Variants in MAN2A1 observed in about 807,000 individuals in gnomAD.
MAN2A1 encodes mannosidase alpha class 2A member 1, also known as alpha-mannosidase 2.
Under a neutral mutation model 142.6 loss-of-function variants are expected in MAN2A1, and 76 were observed. The observed-to-expected ratio is 0.53, with a 90% CI of 0.44 to 0.65. MAN2A1 has a LOEUF of 0.65. MAN2A1 is among the 30% of genes least tolerant of loss of function. MAN2A1 has a pLI of 0.00. For synonymous variants in MAN2A1, 559 were observed against 473.2 expected, an observed-to-expected ratio of 1.18 and a Z score of -2.35; for missense variants, 1,311 against 1,365.1, an observed-to-expected ratio of 0.96 and a Z score of 0.62.
rs1031828690 is a variant in MAN2A1 at position 109,698,944 on chromosome 5, A to C, written c.135+8392A>C. Among the ~76,000 whole-genome samples, 3 of 152,084 alleles carry C rather than the reference A, an allele frequency of 2.0e-5. No individual in the cohort carries two copies. In the East Asian group the frequency reaches 5.8e-4, roughly 29 times the overall value. On this transcript the variant is annotated intron_variant, in intron 1 of 21. Coordinates refer to ENST00000261483, the MANE Select transcript of MAN2A1 (RefSeq NM_002372.4). The stretch of plus-strand genomic sequence containing the variant: ...TGTTCCATGTGTGGTTCCTTCTTTA[A>C]ATATATGCATATACCTCTGTTTTGA...
chr5:109,721,733 A>G (rs1468693282), intron 3 of MAN2A1, among the ~76,000 whole-genome samples: 3 of 152,194 alleles, frequency 2.0e-5, no homozygotes, highest in African/African-American at 4.8e-5. Flanking sequence ...TTTGAGGAGC[A>G]CATATGTTAA....
At chr5:109,838,246 C>T (rs1357247993) in intron 16 of MAN2A1, among the ~76,000 whole-genome samples, 1 of 152,166 alleles carries the variant, frequency 6.6e-6, no homozygotes, top group African/African-American at 2.4e-5. Flanking sequence ...TCCATTCTCT[C>T]TTCCAAGGGG....
At chr5:109,824,545 G>A (rs868590641) in intron 16 of MAN2A1, among the ~76,000 whole-genome samples, 14 of 151,996 alleles carry the variant, frequency 9.2e-5, no homozygotes, top group African/African-American at 3.1e-4. Flanking sequence ...TAATAACCAG[G>A]GTATTTACCA....
At chr5:109,811,869 T>A (rs1323237350) in intron 12 of MAN2A1, among the ~76,000 whole-genome samples, 1 of 152,182 alleles carries the variant, frequency 6.6e-6, no homozygotes, top group East Asian at 1.9e-4. Flanking sequence ...TGAATGTGTA[T>A]TCTCACCACT....
chr5:109,825,557 C>T (rs1258544010), intron 16 of MAN2A1, among the ~76,000 whole-genome samples: 1 of 152,170 alleles, frequency 6.6e-6, no homozygotes, highest in Non-Finnish European at 1.5e-5. Context: ...CATCATAGGG[C>T]AGTTTGTGTA....
In MAN2A1 at chr5:109,716,240, G is replaced by T. The variant is rs777716360; in HGVS notation, c.511G>T (p.Val171Leu). ...CACTGAACCCCTTCAAGTCTTTGTG[G>T]TGCCTCATTCCCATAACGACCCAGG... ...WDTEPLQVFV[V>L]PHSHNDPGWL... is the part of the protein sequence containing the mutation. Residue 171 changes from valine (V) to leucine (L), a missense_variant, in exon 3 of 22, where the codon GTG becomes TTG. Val to Leu is a conservative substitution (Grantham distance 32). Around this residue, in one of 3 missense-constraint regions of MAN2A1, gnomAD observed 409 missense variants for 412.7 expected, o/e 0.99. Coordinates refer to ENST00000261483, the MANE Select transcript of MAN2A1 (RefSeq NM_002372.4). The T allele has an allele frequency of 1.2e-6, 2 of 1,604,498 alleles. No individual in the cohort carries two copies. Among genetic ancestry groups the T allele is most frequent in the South Asian group, 1.1e-5 (1 of 88,690 alleles).
At chr5:109,716,813 G>A (rs1452009870) in intron 3 of MAN2A1, among the ~76,000 whole-genome samples, 2 of 152,166 alleles carry the variant, frequency 1.3e-5, no homozygotes, top group Non-Finnish European at 2.9e-5. Context: ...CTGGTAGAAT[G>A]AGGATAGTAG....
At chr5:109,779,342 T>C (rs1753383782) in intron 8 of MAN2A1, among the ~76,000 whole-genome samples, 1 of 152,182 alleles carries the variant, frequency 6.6e-6, no homozygotes, top group Non-Finnish European at 1.5e-5. Flanking sequence ...ATGCTATAGA[T>C]TTCTAAACTT....
intron 3 of MAN2A1, among the ~76,000 whole-genome samples, chr5:109,717,334 C>G (rs1226689784): frequency 1.3e-5 from 2 of 152,042 alleles, no homozygotes; most frequent in East Asian, 3.9e-4. Context: ...TTTAGTGAAG[C>G]ATTTTTTTTG....
intron 16 of MAN2A1, among the ~76,000 whole-genome samples, chr5:109,841,926 G>C (rs941697595): frequency 6.6e-6 from 1 of 152,180 alleles, no homozygotes; most frequent in African/African-American, 2.4e-5. Flanking sequence ...TATAAGGAGA[G>C]AATGGTGAAA....
rs533134082 is a variant in MAN2A1, at chr5:109,706,880, A to G, written c.136-6640A>G. ...TATATTATAAACATATATATCTTCT[A>G]CAGCTCTTATAACTAGAAACTTGAT... is the stretch of plus-strand genomic sequence containing the variant. On this transcript the variant is annotated intron_variant, in intron 1 of 21. Transcript: ENST00000261483. Among the ~76,000 whole-genome samples, 6 of 152,302 alleles carry G rather than the reference A, an allele frequency of 3.9e-5. No homozygotes were observed. In the South Asian group the frequency reaches 1.2e-3, roughly 32 times the overall value.
At chr5:109,771,962 A>G (rs560300580) in intron 7 of MAN2A1, among the ~76,000 whole-genome samples, 3 of 152,138 alleles carry the variant, frequency 2.0e-5, no homozygotes, top group Non-Finnish European at 2.9e-5. Flanking sequence ...TCCTTTTGCT[A>G]TGTCATCTAA....
At chr5:109,720,117 A>C (rs1284750435) in intron 3 of MAN2A1, among the ~76,000 whole-genome samples, 1 of 152,178 alleles carries the variant, frequency 6.6e-6, no homozygotes, top group Non-Finnish European at 1.5e-5. Flanking sequence ...AAACTGCTGA[A>C]ATATTTGGTT....
In MAN2A1 at chr5:109,773,359, T is replaced by A. The variant is rs557963050; in HGVS notation, c.1197-1429T>A. 1.8e-4 allele frequency among the ~76,000 whole-genome samples: 27 copies of A among 152,304 alleles called. No individual in the cohort carries two copies. The South Asian group carries it at 5.6e-3, about 32-fold the overall frequency. ...ACACATATGTATACAAGATACTCTA[T>A]ATCTAATAGTAAACCCTTTTTTATG... On this transcript the variant is annotated intron_variant, in intron 7 of 21. Transcript: ENST00000261483.
intron 5 of MAN2A1, among the ~76,000 whole-genome samples, chr5:109,766,790 T>C (rs1369932600): frequency 6.6e-6 from 1 of 152,222 alleles, no homozygotes; most frequent in Non-Finnish European, 1.5e-5. Flanking sequence ...ATCAGATTTT[T>C]ATAATGCTAG....
At chr5:109,716,383 T>C in intron 3 of MAN2A1, 119 bp downstream of exon 3, 1 of 728,566 alleles carries the variant, frequency 1.4e-6, no homozygotes. Context: ...CTCTGACTTT[T>C]AACATTAATA....
intron 3 of MAN2A1, among the ~76,000 whole-genome samples, chr5:109,721,467 G>A (rs548806984): frequency 2.2e-4 from 34 of 152,238 alleles, no homozygotes; most frequent in African/African-American, 7.9e-4. Context: ...GTTTGTGTGT[G>A]TGTGTTTGTG....
rs139445642 is a variant in MAN2A1 at position 109,776,748 on chromosome 5, A to G, written c.1374+1783A>G. ...TTTATTGTCCCTCAGATCTCTTTCC[A>G]GTCATCACCAACTGCCGCAAAAGCA... On this transcript the variant is annotated intron_variant, in intron 8 of 21. Transcript: ENST00000261483. Among the ~76,000 whole-genome samples the G allele has an allele frequency of 4.9e-4, 75 of 152,250 alleles. 1 individual carries two copies. The highest frequency in any genetic ancestry group is 3.4e-3 in the Middle Eastern group (1 of 294).
At chr5:109,732,350 G>C (rs950211953) in intron 4 of MAN2A1, among the ~76,000 whole-genome samples, 2 of 152,098 alleles carry the variant, frequency 1.3e-5, no homozygotes, top group African/African-American at 4.8e-5. Flanking sequence ...TTGCTGTGCA[G>C]AAGCTCTTTA....
Sources: gnomAD v4.1 joint callset for allele counts (sites outside exome capture counted in the v4.1 genomes callset) on GRCh38, gnomAD v4.1.1 for gene constraint, gnomAD v4.1.1 regional missense constraint, MANE v1.5 for transcripts, NCBI Gene and HGNC (gene_info 2026-07-23, HGNC 2026-07-21) for gene names.